PRKN: variants seen among roughly 807,000 people sequenced by gnomAD.
PRKN encodes parkin RBR E3 ubiquitin protein ligase, also known as E3 ubiquitin-protein ligase parkin.
In PRKN, 56 loss-of-function variants were observed where a neutral mutation model predicts 59.5. The ratio of observed to expected loss-of-function variants is 0.94; its 90% CI spans 0.76 to 1.18. The LOEUF is 1.18. PRKN is among the 50% of genes most tolerant of loss of function. The pLI, the probability that PRKN is intolerant of heterozygous loss-of-function variation, is 0.00. For synonymous variants in PRKN, 250 were observed against 222.1 expected (o/e 1.13, Z -1.12); for missense variants, 657 against 596.4 (o/e 1.10, Z -1.06).
intron 5 of PRKN, among the ~76,000 whole-genome samples, chr6:162,036,329 A>G (rs969870429): frequency 6.9e-4 from 105 of 152,168 alleles, no homozygotes; most frequent in African/African-American, 2.4e-3. Context: ...GTCTCAAAAC[A>G]AAACAAAACA....
At chr6:162,604,915 CT>C (rs1395669315) in intron 1 of PRKN, among the ~76,000 whole-genome samples, 1 of 152,144 alleles carries the variant, frequency 6.6e-6, no homozygotes, top group Non-Finnish European at 1.5e-5. Flanking sequence ...CAGCACTTCA[CT>C]TCATTTCACA....
At chr6:162,432,370 A>T (rs1011616494) in intron 2 of PRKN, among the ~76,000 whole-genome samples, 3 of 152,070 alleles carry the variant, frequency 2.0e-5, no homozygotes, top group African/African-American at 7.2e-5. Flanking sequence ...TATTAAAAAT[A>T]CAAAAATTAG....
At position 162,600,656 on chromosome 6, in the gene PRKN, G is replaced by A. The variant is rs1024354341; in HGVS notation, c.7+127006C>T. Among the ~76,000 whole-genome samples the A allele has an allele frequency of 6.4e-4, 98 of 152,236 alleles. 2 individuals carry two copies. Among genetic ancestry groups the A allele is most frequent in the South Asian group, 2.1e-4 (1 of 4,822 alleles). Reference sequence around the variant, plus strand: ...CCAGATGGGAGGTGCATAGATCATGGGGGCAGTTTCTAATGGTTTAGCACC... The same window carrying A: ...CCAGATGGGAGGTGCATAGATCATGAGGGCAGTTTCTAATGGTTTAGCACC... On this transcript the variant is annotated intron_variant, in intron 1 of 11. Coordinates refer to ENST00000366898, the MANE Select transcript of PRKN (RefSeq NM_004562.3).
intron 6 of PRKN, among the ~76,000 whole-genome samples, chr6:161,786,463 T>C (rs1411622792): frequency 6.6e-6 from 1 of 152,074 alleles, no homozygotes; most frequent in Non-Finnish European, 1.5e-5. Flanking sequence ...ATCAAAAAAA[T>C]TTAGGACTTG....
chr6:161,952,876 G>T (rs748613703), intron 6 of PRKN, among the ~76,000 whole-genome samples: 35 of 152,114 alleles, frequency 2.3e-4, no homozygotes, highest in Non-Finnish European at 4.1e-4. Flanking sequence ...AGGTAATCAG[G>T]AGGATCAAAG....
rs377418587 is a variant in PRKN at position 161,530,502 on chromosome 6, C to CTTCTTTTT, written c.1083+18344_1083+18351dup. On this transcript the variant is annotated intron_variant, in intron 9 of 11. Transcript: ENST00000366898. The surrounding 1 kb of genome is among the most constrained non-coding windows in gnomAD (Gnocchi z 5.0). ...TGTCGAAGAAGACCTATACGGCTTG[C>CTTCTTTTT]TTCTTTTTTTCTTTTTTTCTTTTTT... 6.6e-6 allele frequency among the ~76,000 whole-genome samples: 1 copy of CTTCTTTTT among 151,646 alleles called. No homozygotes were observed. The highest frequency in any genetic ancestry group is 1.5e-5 in the Non-Finnish European group (1 of 67,932).
intron 3 of PRKN, among the ~76,000 whole-genome samples, chr6:162,211,749 C>T (rs1427836348): frequency 6.6e-6 from 1 of 152,042 alleles, no homozygotes; most frequent in Non-Finnish European, 1.5e-5. Context: ...TTACAAATTT[C>T]GATGCTTTAA....
At chr6:162,125,460 C>G (rs1781088719) in intron 4 of PRKN, among the ~76,000 whole-genome samples, 2 of 152,024 alleles carry the variant, frequency 1.3e-5, no homozygotes, top group Admixed American at 6.6e-5. Context: ...ATATTTTTTT[C>G]CCTACAAAAG....
In PRKN at chr6:161,444,509, C is replaced by T. The variant is rs2115099564; in HGVS notation, c.1084-57632G>A. ...ACTAAACTAGCGCTTGGGGTGCTTG[C>T]CATGCTCCAAGAAGTCCCTGCAGCC... On this transcript the variant is annotated intron_variant, in intron 9 of 11. Coordinates refer to ENST00000366898, the MANE Select transcript of PRKN (RefSeq NM_004562.3). This position sits in a 1 kb window ranked among gnomAD's most constrained non-coding sequence, Gnocchi z 5.6. Among the ~76,000 whole-genome samples, 2 of 152,336 alleles carry T rather than the reference C, an allele frequency of 1.3e-5. 1 individual carries two copies. The highest frequency in any genetic ancestry group is 4.2e-4 in the South Asian group (2 of 4,818).
intron 1 of PRKN, among the ~76,000 whole-genome samples, chr6:162,546,110 T>G (rs940901148): frequency 3.4e-5 from 5 of 148,690 alleles, no homozygotes; most frequent in African/African-American, 1.3e-4. Context: ...GTTTTTTTTT[T>G]TTTTTTTTTT....
intron 6 of PRKN, among the ~76,000 whole-genome samples, chr6:161,954,403 C>T (rs1228457683): frequency 6.6e-6 from 1 of 152,172 alleles, no homozygotes; most frequent in Non-Finnish European, 1.5e-5. Flanking sequence ...GAAGTACAGC[C>T]AGATGCTTTT....
At chr6:161,472,776 G>A (rs548739904) in intron 9 of PRKN, among the ~76,000 whole-genome samples, 2 of 152,130 alleles carry the variant, frequency 1.3e-5, no homozygotes, top group African/African-American at 2.4e-5. Context: ...TATCCAAAAT[G>A]TAAAATAAAT....
intron 6 of PRKN, among the ~76,000 whole-genome samples, chr6:161,958,409 A>C (rs1028723615): frequency 1.3e-5 from 2 of 152,164 alleles, no homozygotes; most frequent in Non-Finnish European, 2.9e-5. Flanking sequence ...TGAATGTTTT[A>C]TGTTGTTGCT....
chr6:162,627,474 C>T (rs1782940575), intron 1 of PRKN, among the ~76,000 whole-genome samples: 1 of 152,100 alleles, frequency 6.6e-6, no homozygotes, highest in Admixed American at 6.5e-5. Flanking sequence ...GAGGAGTTAT[C>T]AGTGGCTTGT....
At position 162,589,949 on chromosome 6, in the gene PRKN, T is replaced by C. The variant is rs375627412; in HGVS notation, c.7+137713A>G. ...GGCATTAAGTAAGCACTTTAAAAAC[T>C]GAACTCACTTAAGGGATTTCAATAA... On this transcript the variant is annotated intron_variant, in intron 1 of 11. Coordinates refer to ENST00000366898, the MANE Select transcript of PRKN (RefSeq NM_004562.3). Among the ~76,000 whole-genome samples, 107 of 152,330 alleles carry C rather than the reference T, an allele frequency of 7.0e-4. No homozygotes were observed. In the East Asian group the frequency reaches 0.01, roughly 14 times the overall value.
intron 4 of PRKN, among the ~76,000 whole-genome samples, chr6:162,095,275 C>T (rs1048311814): frequency 2.6e-5 from 4 of 151,728 alleles, no homozygotes; most frequent in African/African-American, 7.3e-5. Flanking sequence ...CCTCACGAGG[C>T]CTACACCTCC....
At chr6:161,817,444 A>G (rs996924672) in intron 6 of PRKN, among the ~76,000 whole-genome samples, 2 of 152,208 alleles carry the variant, frequency 1.3e-5, no homozygotes, top group African/African-American at 4.8e-5. Flanking sequence ...AAATTTTCCA[A>G]TTAGAAGAAA....
intron 1 of PRKN, among the ~76,000 whole-genome samples, chr6:162,529,547 G>A (rs1207614564): frequency 2.0e-5 from 3 of 152,064 alleles, no homozygotes; most frequent in African/African-American, 7.2e-5. Context: ...CAACCCACCC[G>A]CCAAGTTCGA....
At chr6:162,245,317 T>G (rs1173188852) in intron 3 of PRKN, among the ~76,000 whole-genome samples, 2 of 152,074 alleles carry the variant, frequency 1.3e-5, no homozygotes, top group African/African-American at 4.8e-5. Flanking sequence ...CTTGACAAGA[T>G]TTGTATCTAG....
Sources: gnomAD v4.1 joint callset for allele counts (sites outside exome capture counted in the v4.1 genomes callset) on GRCh38, gnomAD v4.1.1 for gene constraint, Gnocchi (gnomAD v3.1) non-coding constraint, MANE v1.5 for transcripts, NCBI Gene and HGNC (gene_info 2026-07-23, HGNC 2026-07-21) for gene names.